Variants in EPB41L4A observed in about 807,000 individuals in gnomAD.
The protein encoded by EPB41L4A is erythrocyte membrane protein band 4.1 like 4A, also known as band 4.1-like protein 4A.
A neutral mutation model predicts 108.6 loss-of-function variants in EPB41L4A; 100 were observed. The ratio of observed to expected loss-of-function variants is 0.92; its 90% CI spans 0.78 to 1.09. EPB41L4A has a LOEUF of 1.09. Ranked by LOEUF, EPB41L4A falls within the 50% of genes least tolerant of loss-of-function variation. The pLI is 0.00. For synonymous variants in EPB41L4A, 319 were observed against 289.0 expected, an observed-to-expected ratio of 1.10 and a Z score of -1.05; for missense variants, 1,030 against 842.7, an observed-to-expected ratio of 1.22 and a Z score of -2.75.
At chr5:112,310,878 C>G (rs537262707) in intron 1 of EPB41L4A, among the ~76,000 whole-genome samples, 3 of 152,222 alleles carry the variant, frequency 2.0e-5, no homozygotes, top group South Asian at 4.1e-4. Context: ...ACTTTGACTT[C>G]TCAGCAAGAG....
chr5:112,394,606 G>T (rs1761201044), intron 1 of EPB41L4A, among the ~76,000 whole-genome samples: 1 of 152,144 alleles, frequency 6.6e-6, no homozygotes, highest in African/African-American at 2.4e-5. Context: ...CAAACAAATG[G>T]AAGAACATTC....
chr5:112,222,128 A>C lies in EPB41L4A; in HGVS notation c.1088-12146T>G, dbSNP rs539256820. Reference sequence around the variant, plus strand: ...CACATTTTCTTCTAAAAATGGCTTAAAGTAAAAGTAGGCTGACTCTGACTA... The same window carrying C: ...CACATTTTCTTCTAAAAATGGCTTACAGTAAAAGTAGGCTGACTCTGACTA... On this transcript the variant is annotated intron_variant, in intron 12 of 22. Coordinates refer to ENST00000261486, the MANE Select transcript of EPB41L4A (RefSeq NM_022140.5). 2.0e-5 allele frequency among the ~76,000 whole-genome samples: 3 copies of C among 152,334 alleles called. No homozygotes were observed. In the East Asian group the frequency reaches 5.8e-4, roughly 29 times the overall value.
At chr5:112,226,480 G>A (rs1179262740) in intron 12 of EPB41L4A, among the ~76,000 whole-genome samples, 1 of 152,184 alleles carries the variant, frequency 6.6e-6, no homozygotes, top group African/African-American at 2.4e-5. Flanking sequence ...GGTAGGCCTG[G>A]CAGCTAATTA....
chr5:112,280,022 C>T (rs1015069338), intron 3 of EPB41L4A, among the ~76,000 whole-genome samples: 10 of 152,234 alleles, frequency 6.6e-5, no homozygotes, highest in African/African-American at 2.2e-4. Flanking sequence ...AAACCACAGA[C>T]AAAATCAAGG....
chr5:112,395,492 A>C (rs182594880), intron 1 of EPB41L4A, among the ~76,000 whole-genome samples: 1 of 152,382 alleles, frequency 6.6e-6, no homozygotes, highest in Non-Finnish European at 1.5e-5. Flanking sequence ...GACACATGAA[A>C]AAATGCTCAT....
chr5:112,324,300 G>C (rs912751487), intron 1 of EPB41L4A, among the ~76,000 whole-genome samples: 1 of 152,118 alleles, frequency 6.6e-6, no homozygotes, highest in Admixed American at 6.6e-5. Flanking sequence ...AATTACAGCT[G>C]TTCTGAAAGT....
At chr5:112,328,794 T>C (rs1460411488) in intron 1 of EPB41L4A, among the ~76,000 whole-genome samples, 1 of 152,268 alleles carries the variant, frequency 6.6e-6, no homozygotes, top group Non-Finnish European at 1.5e-5. Flanking sequence ...GGTTAGTTGA[T>C]ACATTAGAAT....
chr5:112,327,731 A>C (rs1334400967), intron 1 of EPB41L4A, among the ~76,000 whole-genome samples: 4 of 152,142 alleles, frequency 2.6e-5, no homozygotes, highest in African/African-American at 9.7e-5. Flanking sequence ...AAAAAAAGAA[A>C]AGAATTATAA....
At chr5:112,402,126 C>A (rs1761797164) in intron 1 of EPB41L4A, among the ~76,000 whole-genome samples, 1 of 152,182 alleles carries the variant, frequency 6.6e-6, no homozygotes, top group Non-Finnish European at 1.5e-5. Context: ...GTAATTGGAT[C>A]TTGGCGGCAA....
chr5:112,397,612 C>G (rs1761447126), intron 1 of EPB41L4A, among the ~76,000 whole-genome samples: 2 of 152,090 alleles, frequency 1.3e-5, no homozygotes, highest in South Asian at 4.1e-4. Flanking sequence ...TCAACCTCAA[C>G]AGTAATCAAA....
intron 2 of EPB41L4A, among the ~76,000 whole-genome samples, chr5:112,293,770 C>T (rs1256972905): frequency 2.6e-5 from 4 of 152,132 alleles, no homozygotes; most frequent in African/African-American, 7.2e-5. Context: ...CAGCACTTCC[C>T]GGGGTTATTT....
At chr5:112,376,004 A>G (rs1195243113) in intron 1 of EPB41L4A, among the ~76,000 whole-genome samples, 2 of 152,188 alleles carry the variant, frequency 1.3e-5, no homozygotes, top group African/African-American at 2.4e-5. Flanking sequence ...TACCGAAAGC[A>G]TAAATAAAAA....
chr5:112,326,374 C>A (rs1036171034), intron 1 of EPB41L4A, among the ~76,000 whole-genome samples: 4 of 152,090 alleles, frequency 2.6e-5, no homozygotes, highest in Non-Finnish European at 5.9e-5. Flanking sequence ...TTCACCAGAG[C>A]CTTTTTGTCA....
chr5:112,356,018 A>G (rs1758337883), intron 1 of EPB41L4A, among the ~76,000 whole-genome samples: 1 of 152,206 alleles, frequency 6.6e-6, no homozygotes, highest in African/African-American at 2.4e-5. Context: ...TGCAGTAAAT[A>G]CACTCCACTT....
chr5:112,198,907 GC>G (rs1281152035), intron 15 of EPB41L4A, among the ~76,000 whole-genome samples: 1 of 151,934 alleles, frequency 6.6e-6, no homozygotes, highest in Non-Finnish European at 1.5e-5. Context: ...CTGTGAGAAT[GC>G]CCCCAACCCC....
At chr5:112,161,784 A>G (rs904871792), downstream of EPB41L4A, 6 of 368,930 alleles carry the variant, frequency 1.6e-5, no homozygotes, top group Non-Finnish European at 2.7e-5. Flanking sequence ...AGGTAGGGTG[A>G]TATGTCTTAA....
intron 1 of EPB41L4A, among the ~76,000 whole-genome samples, chr5:112,330,637 A>G (rs988934372): frequency 2.6e-5 from 4 of 152,104 alleles, no homozygotes; most frequent in African/African-American, 9.7e-5. Flanking sequence ...TGCCTTAAAC[A>G]TGGTAAGCAG....
At chr5:112,405,097 C>T (rs1055842078) in intron 1 of EPB41L4A, among the ~76,000 whole-genome samples, 1 of 152,188 alleles carries the variant, frequency 6.6e-6, no homozygotes, top group East Asian at 1.9e-4. Context: ...GCAGAAATGA[C>T]AGGATGTTAT....
chr5:112,366,337 C>A (rs903980851), intron 1 of EPB41L4A, among the ~76,000 whole-genome samples: 1 of 151,764 alleles, frequency 6.6e-6, no homozygotes. Context: ...TAGTCAGGTC[C>A]CAGGAGGAAA....
Sources: allele counts gnomAD v4.1 joint callset (sites outside exome capture counted in the v4.1 genomes callset), GRCh38; gene constraint gnomAD v4.1.1; transcripts MANE v1.5; gene names NCBI Gene and HGNC (gene_info 2026-07-23, HGNC 2026-07-21).